The following BBX variants were observed in gnomAD, a reference collection of about 807,000 sequenced individuals.
BBX encodes BBX high mobility group box domain containing.
BBX carries 30 observed loss-of-function variants against 100.2 expected under a neutral mutation model. The observed-to-expected ratio is 0.30, with a 90% CI of 0.22 to 0.41. The LOEUF (loss-of-function observed/expected upper bound fraction) is 0.41, where lower values mean the gene tolerates loss of function less well. BBX is among the 10% of genes least tolerant of loss of function. The pLI is 1.00. For missense variants in BBX, 1,023 were observed against 1,129.8 expected, an observed-to-expected ratio of 0.91 and a Z score of 1.35; for synonymous variants, 376 against 388.1, an observed-to-expected ratio of 0.97 and a Z score of 0.37.
chr3:107,571,761 A>C (rs956162271), intron 2 of BBX, among the ~76,000 whole-genome samples: 5 of 152,232 alleles, frequency 3.3e-5, no homozygotes, highest in Admixed American at 6.5e-5. Context: ...TGTGTGAGCA[A>C]CAAGGCTGTT....
intron 6 of BBX, among the ~76,000 whole-genome samples, chr3:107,731,000 C>T (rs1329490663): frequency 1.3e-5 from 2 of 152,144 alleles, no homozygotes; most frequent in Non-Finnish European, 2.9e-5. Flanking sequence ...TGTCACATGA[C>T]ATTTTGCAAT....
intron 7 of BBX, among the ~76,000 whole-genome samples, chr3:107,736,189 TAAA>T (rs1213690978): frequency 1.3e-5 from 2 of 152,004 alleles, no homozygotes; most frequent in Non-Finnish European, 2.9e-5. Context: ...TGAGACCCTG[TAAA>T]ATAGAAGTAT....
At chr3:107,726,005 T>TA (rs760470488) in intron 5 of BBX, among the ~76,000 whole-genome samples, 61 of 152,200 alleles carry the variant, frequency 4.0e-4, no homozygotes, top group Non-Finnish European at 5.9e-4. Context: ...CCACCATCAG[T>TA]ATGAACAGTC....
intron 2 of BBX, among the ~76,000 whole-genome samples, chr3:107,579,189 C>T (rs911657101): frequency 2.6e-5 from 4 of 152,134 alleles, no homozygotes; most frequent in Non-Finnish European, 5.9e-5. Flanking sequence ...TTTTATTATA[C>T]TGCTTATATT....
At chr3:107,716,374 G>A (rs754501058) in intron 4 of BBX, 2 of 503,452 alleles carry the variant, frequency 4.0e-6, no homozygotes, top group African/African-American at 3.8e-5. Context: ...TGTAATATAT[G>A]CTGTAATAGA....
In BBX at chr3:107,751,257, T is replaced by C. The variant is rs1469049597; in HGVS notation, c.825+3218T>C. The stretch of plus-strand genomic sequence containing the variant: ...CAGAGGGATTCCTGGTCCTATTATA[T>C]ACACTTAAAGAGAAGTGGGTGTTTA... On this transcript the variant is annotated intron_variant, in intron 9 of 17. Transcript: ENST00000325805. Among the ~76,000 whole-genome samples, 25 of 152,228 alleles carry C rather than the reference T, an allele frequency of 1.6e-4. 1 individual carries two copies. Among genetic ancestry groups the C allele is most frequent in the African/African-American group, 4.8e-5 (2 of 41,466 alleles).
At chr3:107,603,885 C>G (rs2054242233) in intron 2 of BBX, among the ~76,000 whole-genome samples, 1 of 151,628 alleles carries the variant, frequency 6.6e-6, no homozygotes, top group African/African-American at 2.4e-5. Context: ...TATTTGCTTG[C>G]TTAATATAGT....
chr3:107,556,772 A>G (rs984463649), intron 2 of BBX, among the ~76,000 whole-genome samples: 1 of 152,200 alleles, frequency 6.6e-6, no homozygotes, highest in African/African-American at 2.4e-5. Flanking sequence ...TACCTCTTAA[A>G]TTAACCCGGA....
chr3:107,783,409 TC>T (rs1344034080), intron 13 of BBX, among the ~76,000 whole-genome samples: 2 of 152,072 alleles, frequency 1.3e-5, no homozygotes, highest in African/African-American at 4.8e-5. Context: ...ACAAGCTCTA[TC>T]TTTAGCTTAG....
chr3:107,623,464 A>G (rs1485348354), intron 2 of BBX, among the ~76,000 whole-genome samples: 1 of 152,190 alleles, frequency 6.6e-6, no homozygotes, highest in Non-Finnish European at 1.5e-5. Context: ...TTTAGCTGCC[A>G]CATGCATCTT....
chr3:107,613,946 T>G (rs1032390375), intron 2 of BBX, among the ~76,000 whole-genome samples: 3 of 113,574 alleles, frequency 2.6e-5, no homozygotes, highest in Non-Finnish European at 3.4e-5. Flanking sequence ...CCATGGTTTT[T>G]TTTTTTTTTT....
chr3:107,565,451 A>ATTTC (rs1261169810), intron 2 of BBX, among the ~76,000 whole-genome samples: 1 of 145,258 alleles, frequency 6.9e-6, no homozygotes, highest in African/African-American at 2.6e-5. Flanking sequence ...TATTTTATTT[A>ATTTC]TTTATTTATT....
At chr3:107,638,820 C>G (rs1356091820) in intron 2 of BBX, among the ~76,000 whole-genome samples, 2 of 129,522 alleles carry the variant, frequency 1.5e-5, no homozygotes, top group Non-Finnish European at 3.5e-5. Flanking sequence ...CACACACACA[C>G]ACACACACAC....
intron 10 of BBX, among the ~76,000 whole-genome samples, chr3:107,772,293 A>G (rs1203175921): frequency 1.3e-5 from 2 of 152,178 alleles, no homozygotes; most frequent in African/African-American, 2.4e-5. Flanking sequence ...CACAAAGTTA[A>G]TAAGTAGCAA....
In BBX at chr3:107,716,874, T is replaced by G. The variant is rs776320042; in HGVS notation, c.405+25T>G. 3.7e-6 allele frequency: 6 copies of G among 1,607,238 alleles called. No homozygotes were observed. The Admixed American group carries it at 8.4e-5, about 22-fold the overall frequency. On this transcript the variant is annotated intron_variant, in intron 5 of 17. Coordinates refer to ENST00000325805, the MANE Select transcript of BBX (RefSeq NM_001142568.3). ...GGTAGGTTACAATGACAAGGTATTC[T>G]GATAGCTAAAAGCAACCAGTCCTGA...
At chr3:107,580,524 A>C (rs1214807209) in intron 2 of BBX, among the ~76,000 whole-genome samples, 1 of 152,206 alleles carries the variant, frequency 6.6e-6, no homozygotes, top group East Asian at 1.9e-4. Context: ...AATTATAGTA[A>C]ATTTTAGTTT....
intron 3 of BBX, among the ~76,000 whole-genome samples, chr3:107,690,939 A>C (rs1449368547): frequency 2.0e-5 from 2 of 99,540 alleles, no homozygotes; most frequent in African/African-American, 7.9e-5. Flanking sequence ...TCATTCTGTT[A>C]CCCAGGCTGA....
rs772316402 is a variant in BBX at position 107,773,387 on chromosome 3, A to G, written c.1666A>G (p.Ile556Val). 14 of 1,614,182 alleles carry G rather than the reference A, an allele frequency of 8.7e-6. No homozygotes were observed. The highest frequency in any genetic ancestry group is 1.7e-5 in the Admixed American group (1 of 60,012). Reference protein sequence around the residue: ...TTKESRPPDFISISASKNISG... With the variant: ...TTKESRPPDFVSISASKNISG... ...CAAAGAGTCAAGACCTCCAGATTTC[A>G]TTAGTATTTCTGCTAGCAAGAACAT... The change falls in exon 11 of 18, where the codon ATT (isoleucine) becomes GTT (valine). Residue 556 changes from isoleucine to valine, a missense_variant. Transcript: ENST00000325805. This position sits in a 1 kb window ranked among gnomAD's most constrained non-coding sequence, Gnocchi z 4.1.
chr3:107,773,074 A>C lies in BBX; in HGVS notation c.1353A>C (p.Lys451Asn). The C allele has an allele frequency of 6.2e-7, 1 of 1,613,240 alleles. No homozygotes were observed. Among genetic ancestry groups the C allele is most frequent in the Non-Finnish European group, 8.5e-7 (1 of 1,179,822 alleles). Residue 451 changes from lysine (K) to asparagine (N), a missense_variant, in exon 11 of 18, where the codon AAA (lysine) becomes AAC (asparagine). Physicochemically the swap from Lys to Asn is moderately conservative, Grantham distance 94. Coordinates refer to ENST00000325805, the MANE Select transcript of BBX (RefSeq NM_001142568.3). The surrounding 1 kb of genome is among the most constrained non-coding windows in gnomAD (Gnocchi z 4.1). ...CATTAAACAAGCCAGAAAAGCTAAA[A>C]AAGAAAAAGAAGAAAAGCAAAATGG... The part of the protein sequence containing the change: ...PAALNKPEKL[K>N]KKKKKSKMDR...
Sources: gnomAD v4.1 joint callset for allele counts (sites outside exome capture counted in the v4.1 genomes callset) on GRCh38, gnomAD v4.1.1 for gene constraint, Gnocchi (gnomAD v3.1) non-coding constraint, MANE v1.5 for transcripts, NCBI Gene and HGNC (gene_info 2026-07-23, HGNC 2026-07-21) for gene names.